Variants in PTPRB observed in about 807,000 individuals in gnomAD.
The protein encoded by PTPRB is receptor-type tyrosine-protein phosphatase beta.
PTPRB carries 97 observed loss-of-function variants against 238.1 expected under a neutral mutation model. The ratio of observed to expected loss-of-function variants is 0.41; its 90% CI spans 0.35 to 0.48. The LOEUF is 0.48. Ranked by LOEUF, PTPRB falls within the 20% of genes least tolerant of loss-of-function variation. The probability of loss-of-function intolerance (pLI) is 0.30; values close to 1 mark genes in which losing one functional copy is unlikely to be tolerated. For missense variants in PTPRB, 2,292 were observed against 2,681.9 expected, an observed-to-expected ratio of 0.85 and a Z score of 3.21; for synonymous variants, 970 against 995.4, an observed-to-expected ratio of 0.97 and a Z score of 0.48.
chr12:70,587,899 G>C (rs1422624904), intron 8 of PTPRB, among the ~76,000 whole-genome samples: 1 of 151,790 alleles, frequency 6.6e-6, no homozygotes, highest in Non-Finnish European at 1.5e-5. Context: ...TCAGGAGTTT[G>C]AGACCACCCT....
intron 32 of PTPRB, among the ~76,000 whole-genome samples, chr12:70,525,668 T>C (rs1484326362): frequency 6.6e-6 from 1 of 152,214 alleles, no homozygotes; most frequent in Non-Finnish European, 1.5e-5. Context: ...AGCTTGTGCA[T>C]TGGGCCCCCT....
intron 9 of PTPRB, among the ~76,000 whole-genome samples, chr12:70,585,790 T>C (rs1032266780): frequency 5.3e-5 from 8 of 151,688 alleles, no homozygotes; most frequent in Non-Finnish European, 8.8e-5. Flanking sequence ...ATGCTATCCC[T>C]CCCCCGACCC....
Position 70,587,243 on chromosome 12 carries a change from C to A in PTPRB, c.2075G>T (p.Arg692Leu). The A allele has an allele frequency of 3.1e-6, 5 of 1,613,768 alleles. No individual in the cohort carries two copies. The highest frequency in any genetic ancestry group is 2.5e-6 in the Non-Finnish European group (3 of 1,179,806). The change falls in exon 9 of 34, where the codon CGT becomes CTT. Residue 692 changes from arginine to leucine, a missense_variant. Transcript: ENST00000334414. ...RTVPLAVLQL[R>L]VKHANETSLS... ...TGAGGTTTCATTGGCATGTTTGACA[C>A]GAAGCTGGAGGACAGCCAGGGGGAC... is the stretch of plus-strand genomic sequence containing the variant.
In PTPRB at chr12:70,592,401, A is replaced by G. The variant is rs1356708187; in HGVS notation, c.1661T>C (p.Leu554Ser). The change falls in exon 7 of 34, where the codon TTA becomes TCA. Residue 554 changes from leucine to serine, a missense_variant. Physicochemically the swap from Leu to Ser is moderately radical, Grantham distance 145. This residue lies in a region of PTPRB where 1,205 missense variants were observed against 1,287.8 expected (regional missense o/e 0.94). Coordinates refer to ENST00000334414, the MANE Select transcript of PTPRB (RefSeq NM_001109754.4). Reference sequence around the variant, plus strand: ...GTGAGTTTCAGTAATCCAAGGTGCTAATACTCTGGATTCCTTGATGGTCCC... The same window carrying G: ...GTGAGTTTCAGTAATCCAAGGTGCTGATACTCTGGATTCCTTGATGGTCCC... ...HKGTIKESRV[L>S]APWITETHFK... is the part of the protein sequence containing the mutation. 6.2e-7 allele frequency: 1 copy of G among 1,613,798 alleles called. No individual in the cohort carries two copies. Among genetic ancestry groups the G allele is most frequent in the Non-Finnish European group, 8.5e-7 (1 of 1,179,836 alleles).
intron 3 of PTPRB, among the ~76,000 whole-genome samples, chr12:70,613,868 T>C (rs1429079344): frequency 1.3e-5 from 2 of 152,112 alleles, no homozygotes; most frequent in African/African-American, 4.8e-5. Flanking sequence ...TGCTGGACCA[T>C]GTTTAGAATG....
At position 70,590,239 on chromosome 12, in the gene PTPRB, C is replaced by G; in HGVS notation, c.1781-6G>C. 6.5e-7 allele frequency: 1 copy of G among 1,540,082 alleles called. No homozygotes were observed. The highest frequency in any genetic ancestry group is 1.4e-5 in the African/African-American group (1 of 72,736). On this transcript the variant is annotated splice_polypyrimidine_tract_variant and splice_region_variant and intron_variant, in intron 7 of 33. Transcript: ENST00000334414. ...GTTTGCAACTTTGTCTGGAACTAAA[C>G]GGTGAAATGATGTCAAAAAGGAGAT... is the stretch of plus-strand genomic sequence containing the variant.
At chr12:70,628,848 A>C (rs1885320376) in intron 2 of PTPRB, among the ~76,000 whole-genome samples, 1 of 152,124 alleles carries the variant, frequency 6.6e-6, no homozygotes, top group South Asian at 2.1e-4. Context: ...TATAGGCATG[A>C]GCCACTGTGC....
chr12:70,622,834 T>TCC (rs547058832), intron 2 of PTPRB, among the ~76,000 whole-genome samples, 188 bp from the exon 3 acceptor site: 23 of 152,156 alleles, frequency 1.5e-4, no homozygotes, highest in Non-Finnish European at 2.9e-4. Context: ...AATTCACCCA[T>TCC]CCTTTATCTA....
intron 1 of PTPRB, among the ~76,000 whole-genome samples, chr12:70,636,567 A>G (rs562687090): frequency 5.3e-4 from 80 of 152,294 alleles, no homozygotes; most frequent in African/African-American, 1.8e-3. Flanking sequence ...TTGAATAACA[A>G]TTTTTTAAAA....
chr12:70,531,966 C>A, intron 32 of PTPRB, 69 bp downstream of exon 32: 1 of 1,576,268 alleles, frequency 6.3e-7, no homozygotes, highest in Non-Finnish European at 8.7e-7. Flanking sequence ...GATTAAGGTC[C>A]TGGATATTTT....
chr12:70,539,816 C>T lies in PTPRB; in HGVS notation c.5696+11G>A. The T allele has an allele frequency of 6.3e-7, 1 of 1,597,668 alleles. No individual in the cohort carries two copies. Among genetic ancestry groups the T allele is most frequent in the Non-Finnish European group, 8.6e-7 (1 of 1,165,090 alleles). Reference sequence around the variant, plus strand: ...CAGATAATATAGTAATTAATGTGTTCTCTCTCTTACCAAGAAGTTTTCCGG... The same window carrying T: ...CAGATAATATAGTAATTAATGTGTTTTCTCTCTTACCAAGAAGTTTTCCGG... On this transcript the variant is annotated intron_variant, in intron 25 of 33. Transcript: ENST00000334414.
At chr12:70,533,586 A>G (rs745329197) in intron 31 of PTPRB, among the ~76,000 whole-genome samples, 5 of 152,308 alleles carry the variant, frequency 3.3e-5, no homozygotes, top group Admixed American at 6.5e-5. Flanking sequence ...ACAGGTGGCA[A>G]TTGCTGTGCT....
intron 18 of PTPRB, among the ~76,000 whole-genome samples, chr12:70,558,138 C>T (rs1877975941): frequency 6.6e-6 from 1 of 152,088 alleles, no homozygotes; most frequent in Non-Finnish European, 1.5e-5. Context: ...ACTCTAATAC[C>T]AGATGCAATG....
chr12:70,566,803 G>T, intron 14 of PTPRB, 99 bp from the exon 15 acceptor site: 1 of 1,280,848 alleles, frequency 7.8e-7, no homozygotes. Flanking sequence ...GGTAGAAGAT[G>T]ATGCATTTGC....
chr12:70,613,463 C>G (rs959350574), intron 3 of PTPRB, among the ~76,000 whole-genome samples: 1 of 152,072 alleles, frequency 6.6e-6, no homozygotes, highest in Admixed American at 6.5e-5. Flanking sequence ...CCTGTCATTT[C>G]CTCTTCTTCA....
At chr12:70,557,899 A>G (rs889394099) in intron 18 of PTPRB, among the ~76,000 whole-genome samples, 1 of 152,152 alleles carries the variant, frequency 6.6e-6, no homozygotes, top group African/African-American at 2.4e-5. Flanking sequence ...GTGGCCCGAG[A>G]GGGGTGCACT....
At chr12:70,564,858 T>TAAC (rs1326576805) in intron 15 of PTPRB, among the ~76,000 whole-genome samples, 7 of 92,152 alleles carry the variant, frequency 7.6e-5, no homozygotes, top group Admixed American at 2.1e-4. Flanking sequence ...ATAATAATAA[T>TAAC]AATAATAATA....
In PTPRB at chr12:70,596,301, C is replaced by T; in HGVS notation, c.1006G>A (p.Val336Ile). 4 of 1,589,378 alleles carry T rather than the reference C, an allele frequency of 2.5e-6. No individual in the cohort carries two copies. Among genetic ancestry groups the T allele is most frequent in the South Asian group, 2.3e-5 (2 of 87,586 alleles). The change falls in exon 5 of 34, where the codon GTC becomes ATC. Residue 336 changes from valine to isoleucine, a missense_variant. Val to Ile is a conservative substitution (Grantham distance 29, BLOSUM62 3). Coordinates refer to ENST00000334414, the MANE Select transcript of PTPRB (RefSeq NM_001109754.4). Reference sequence around the variant, plus strand: ...GTTGAAGTCGTCTTCTCTTTACTGACTCCAAACCTAGCAGGAGGTAAAGGA... The same window carrying T: ...GTTGAAGTCGTCTTCTCTTTACTGATTCCAAACCTAGCAGGAGGTAAAGGA... ...TDPLPPARFG[V>I]SKEKTTSTSL...
chr12:70,590,759 C>T (rs1882409770), intron 7 of PTPRB, among the ~76,000 whole-genome samples: 1 of 151,848 alleles, frequency 6.6e-6, no homozygotes, highest in Non-Finnish European at 1.5e-5. Context: ...CTTCCCTACC[C>T]TTTGGAAAGC....
Sources: allele counts gnomAD v4.1 joint callset (sites outside exome capture counted in the v4.1 genomes callset), GRCh38; gene constraint gnomAD v4.1.1; regional missense constraint gnomAD v4.1.1; transcripts MANE v1.5; gene names NCBI Gene and HGNC (gene_info 2026-07-23, HGNC 2026-07-21).